AMPH: variants seen among roughly 807,000 people sequenced by gnomAD.
AMPH encodes amphiphysin (Stiff-Mann syndrome with breast cancer 128kD autoantigen).
A neutral mutation model predicts 99.1 loss-of-function variants in AMPH; 49 were observed. The ratio of observed to expected loss-of-function variants is 0.49; its 90% confidence interval spans 0.39 to 0.63. AMPH has a LOEUF of 0.63. Ranked by LOEUF, AMPH falls within the 20% of genes least tolerant of loss-of-function variation. AMPH has a pLI of 0.00. For missense variants in AMPH, 759 were observed against 863.4 expected (o/e 0.88, Z 1.52); for synonymous variants, 314 against 317.3 (o/e 0.99, Z 0.11).
chr7:38,630,058 G>A (rs1478166925), intron 1 of AMPH, among the ~76,000 whole-genome samples: 2 of 152,162 alleles, frequency 1.3e-5, no homozygotes, highest in African/African-American at 2.4e-5. Context: ...GGAACTGGGA[G>A]GCAGCCTGAG....
At chr7:38,437,657 A>G (rs748732003) in intron 11 of AMPH, among the ~76,000 whole-genome samples, 25 of 148,858 alleles carry the variant, frequency 1.7e-4, no homozygotes, top group Non-Finnish European at 3.3e-4. Context: ...AAGAAAAATT[A>G]GTTGGGCATG....
At chr7:38,478,379 G>T (rs1458758158) in intron 5 of AMPH, among the ~76,000 whole-genome samples, 1 of 152,130 alleles carries the variant, frequency 6.6e-6, no homozygotes, top group Non-Finnish European at 1.5e-5. Context: ...GGAGGAATTT[G>T]AAAGCTGCGG....
At chr7:38,517,693 T>C (rs1216587489) in intron 2 of AMPH, among the ~76,000 whole-genome samples, 1 of 152,156 alleles carries the variant, frequency 6.6e-6, no homozygotes, top group Non-Finnish European at 1.5e-5. Flanking sequence ...AGTGGAATGC[T>C]AGAGAAAAGA....
intron 9 of AMPH, among the ~76,000 whole-genome samples, chr7:38,465,066 C>T (rs1020407480): frequency 1.7e-4 from 26 of 152,154 alleles, no homozygotes; most frequent in African/African-American, 4.1e-4. Flanking sequence ...TCATGAAAGA[C>T]GTCAGCATCA....
At chr7:38,556,810 A>G (rs1454580920) in intron 1 of AMPH, among the ~76,000 whole-genome samples, 1 of 152,184 alleles carries the variant, frequency 6.6e-6, no homozygotes, top group Non-Finnish European at 1.5e-5. Context: ...TGCTAGACAT[A>G]AAGACGGCAA....
At chr7:38,492,866 A>T (rs1004867162) in intron 4 of AMPH, among the ~76,000 whole-genome samples, 10 of 152,218 alleles carry the variant, frequency 6.6e-5, no homozygotes, top group African/African-American at 2.4e-4. Flanking sequence ...TTTTGTGATG[A>T]ATTTTTAGTT....
intron 1 of AMPH, among the ~76,000 whole-genome samples, chr7:38,607,672 A>G (rs2129063930): frequency 6.6e-6 from 1 of 152,336 alleles, no homozygotes; most frequent in East Asian, 1.9e-4. Flanking sequence ...AGTCATCGAT[A>G]TCTATGACTG....
At position 38,384,563 on chromosome 7, in the gene AMPH, G is replaced by T. The variant is rs193113741; in HGVS notation, c.*255C>A. On this transcript the variant is annotated 3_prime_UTR_variant, in exon 21 of 21. Coordinates refer to ENST00000356264, the MANE Select transcript of AMPH (RefSeq NM_001635.4). ...ATTGGTGGGAGGGGATCAAGTACAA[G>T]AGTCTCCACAGCTTGGACAAAGCAC... is the stretch of plus-strand genomic sequence containing the variant. 9.4e-5 allele frequency: 36 copies of T among 382,450 alleles called. 1 individual carries two copies. The East Asian group carries it at 9.5e-4, about 10-fold the overall frequency. The allele number at this position is 382,450 out of a possible 1,614,324, so 23.7% of individuals were successfully genotyped here.
intron 1 of AMPH, among the ~76,000 whole-genome samples, chr7:38,573,668 G>C (rs948467713): frequency 1.3e-5 from 2 of 152,138 alleles, no homozygotes; most frequent in African/African-American, 2.4e-5. Context: ...TGCACTGATT[G>C]CATGCTTAGG....
At chr7:38,559,669 T>A (rs1791489245) in intron 1 of AMPH, among the ~76,000 whole-genome samples, 2 of 152,218 alleles carry the variant, frequency 1.3e-5, no homozygotes, top group South Asian at 4.1e-4. Flanking sequence ...TACCCTATAA[T>A]ATAGGTACAT....
At chr7:38,546,106 A>G (rs751909496) in intron 1 of AMPH, among the ~76,000 whole-genome samples, 21 of 152,306 alleles carry the variant, frequency 1.4e-4, no homozygotes, top group Non-Finnish European at 4.4e-5. Context: ...AGGAACTCTG[A>G]GTGCCTTCAT....
chr7:38,390,675 G>A (rs1324880734), intron 19 of AMPH, among the ~76,000 whole-genome samples: 1 of 152,144 alleles, frequency 6.6e-6, no homozygotes, highest in East Asian at 1.9e-4. Context: ...TAATTTTTCT[G>A]ATTGGAAAAC....
At chr7:38,550,526 CA>C (rs1367941067) in intron 1 of AMPH, among the ~76,000 whole-genome samples, 3 of 152,164 alleles carry the variant, frequency 2.0e-5, no homozygotes, top group Admixed American at 2.0e-4. Flanking sequence ...CTCTGTTTCG[CA>C]TTTCCCTCAT....
At chr7:38,504,027 T>C (rs1789241431) in intron 2 of AMPH, among the ~76,000 whole-genome samples, 1 of 152,246 alleles carries the variant, frequency 6.6e-6, no homozygotes, top group Admixed American at 6.5e-5. Flanking sequence ...ATCACCATTA[T>C]CTAACATGGT....
chr7:38,564,089 C>A (rs1320891300), intron 1 of AMPH, among the ~76,000 whole-genome samples: 1 of 152,192 alleles, frequency 6.6e-6, no homozygotes, highest in Non-Finnish European at 1.5e-5. Flanking sequence ...TATTCTTTCA[C>A]AGTTTCTCTA....
At chr7:38,449,826 G>T (rs1786936907) in intron 11 of AMPH, among the ~76,000 whole-genome samples, 1 of 152,194 alleles carries the variant, frequency 6.6e-6, no homozygotes, top group Non-Finnish European at 1.5e-5. Flanking sequence ...ATGTTGAAAA[G>T]CCAGTGTGGT....
At chr7:38,536,567 T>C (rs1790609586) in intron 1 of AMPH, among the ~76,000 whole-genome samples, 1 of 152,222 alleles carries the variant, frequency 6.6e-6, no homozygotes, top group South Asian at 2.1e-4. Flanking sequence ...CTTTTCACTG[T>C]CATTAATAAA....
At chr7:38,484,800 T>C (rs1158236663) in intron 5 of AMPH, among the ~76,000 whole-genome samples, 1 of 151,630 alleles carries the variant, frequency 6.6e-6, no homozygotes, top group East Asian at 1.9e-4. Flanking sequence ...AATATATTTA[T>C]GGAAACACAA....
chr7:38,506,623 A>G (rs953415313), intron 2 of AMPH, among the ~76,000 whole-genome samples: 19 of 152,346 alleles, frequency 1.2e-4, no homozygotes, highest in African/African-American at 4.3e-4. Flanking sequence ...CATTTCTCAA[A>G]CTAGATAATT....
Sources: allele counts gnomAD v4.1 joint callset (sites outside exome capture counted in the v4.1 genomes callset), GRCh38; gene constraint gnomAD v4.1.1; transcripts MANE v1.5; gene names NCBI Gene and HGNC (gene_info 2026-07-23, HGNC 2026-07-21).